Variants in DNAH3 observed in about 807,000 individuals in gnomAD.
DNAH3 encodes the protein dynein axonemal heavy chain 3.
Under a neutral mutation model 432.5 loss-of-function variants are expected in DNAH3, and 332 were observed. The ratio of observed to expected loss-of-function variants is 0.77; its 90% confidence interval spans 0.70 to 0.84. The LOEUF (loss-of-function observed/expected upper bound fraction) is 0.84. DNAH3 is among the 40% of genes least tolerant of loss of function. DNAH3 has a pLI of 0.00. For synonymous variants in DNAH3, 1,956 were observed against 1,900.2 expected (o/e 1.03, Z -0.76); for missense variants, 4,861 against 5,114.0 (o/e 0.95, Z 1.51).
At chr16:20,972,621 A>C (rs1431632330) in intron 51 of DNAH3, among the ~76,000 whole-genome samples, 1 of 151,832 alleles carries the variant, frequency 6.6e-6, no homozygotes, top group African/African-American at 2.4e-5. Context: ...CAGGGTATTC[A>C]TTATGTGACT....
Position 21,095,520 on chromosome 16 carries a change from A to G in DNAH3, c.2665+1835T>C, listed in dbSNP as rs369766268. 8.5e-5 allele frequency among the ~76,000 whole-genome samples: 13 copies of G among 152,322 alleles called. No individual in the cohort carries two copies. In the South Asian group the frequency reaches 2.7e-3, roughly 32 times the overall value. ...AACTATAGGAACAATGAAGAGATCAATAGTTGCCAGGGGTTACAACTGGGG... is the reference window on the plus strand; with the variant it reads ...AACTATAGGAACAATGAAGAGATCAGTAGTTGCCAGGGGTTACAACTGGGG... On this transcript the variant is annotated intron_variant, in intron 18 of 61. Transcript: ENST00000261383.
intron 59 of DNAH3, among the ~76,000 whole-genome samples, chr16:20,939,979 G>A (rs1320634853): frequency 6.6e-6 from 1 of 152,214 alleles, no homozygotes; most frequent in African/African-American, 2.4e-5. Context: ...AGTAACTGGA[G>A]AAGAGGACTA....
chr16:20,949,422 T>C (rs1005756679), intron 56 of DNAH3, among the ~76,000 whole-genome samples: 2 of 152,152 alleles, frequency 1.3e-5, no homozygotes, highest in Non-Finnish European at 2.9e-5. Context: ...ATAACTTTTA[T>C]TATAGCATAT....
chr16:21,066,783 A>C (rs1306035653), intron 24 of DNAH3, among the ~76,000 whole-genome samples: 1 of 152,162 alleles, frequency 6.6e-6, no homozygotes. Context: ...TTGATGGTAT[A>C]AAAAAATTGA....
At chr16:21,047,116 CTTCAT>C (rs2089736357) in intron 31 of DNAH3, among the ~76,000 whole-genome samples, 1 of 151,226 alleles carries the variant, frequency 6.6e-6, no homozygotes, top group South Asian at 2.1e-4. Context: ...ACATTTTTTC[CTTCAT>C]TTCAACTTTG....
At chr16:20,950,094 G>A (rs778820005) in intron 56 of DNAH3, among the ~76,000 whole-genome samples, 9 of 152,094 alleles carry the variant, frequency 5.9e-5, no homozygotes, top group South Asian at 2.1e-4. Context: ...GTAATCCTTC[G>A]GCATCAGCCT....
chr16:21,020,693 C>T (rs1041880844), intron 40 of DNAH3, among the ~76,000 whole-genome samples: 2 of 151,658 alleles, frequency 1.3e-5, no homozygotes, highest in Non-Finnish European at 2.9e-5. Context: ...CGTGAGAGAC[C>T]GCACCCGGCC....
chr16:21,097,617 T>C, intron 17 of DNAH3, 118 bp from the exon 18 acceptor site: 1 of 1,257,130 alleles, frequency 8.0e-7, no homozygotes, highest in Non-Finnish European at 1.1e-6. Flanking sequence ...CTTATTCATC[T>C]GGAGAGTAAG....
In DNAH3 at chr16:21,014,107, C is replaced by A. The variant is rs547305028; in HGVS notation, c.6022+5517G>T. ...CTATGAGGCCAGCATTACGCTAATA[C>A]CAAAGCCAGATAAAGACATTATAAG... On this transcript the variant is annotated intron_variant, in intron 41 of 61. Transcript: ENST00000261383. Among the ~76,000 whole-genome samples, 32 of 152,272 alleles carry A rather than the reference C, an allele frequency of 2.1e-4. No homozygotes were observed. In the South Asian group the frequency reaches 6.6e-3, roughly 32 times the overall value.
At chr16:21,035,718 CA>C (rs2089135256) in intron 35 of DNAH3, among the ~76,000 whole-genome samples, 1 of 152,076 alleles carries the variant, frequency 6.6e-6, no homozygotes. Flanking sequence ...GGTCCTTCTG[CA>C]AAATCTCAAT....
intron 8 of DNAH3, among the ~76,000 whole-genome samples, chr16:21,126,092 G>A (rs893400800): frequency 5.9e-5 from 9 of 152,210 alleles, no homozygotes; most frequent in African/African-American, 1.9e-4. Flanking sequence ...GAACCTGGGA[G>A]ATGGGAGGTT....
rs199502671 is a variant in DNAH3 at position 21,049,637 on chromosome 16, C to T, written c.4393G>A (p.Gly1465Arg). 315 of 1,614,162 alleles carry T rather than the reference C, an allele frequency of 2.0e-4. 2 individuals carry two copies. In the East Asian group the frequency reaches 6.9e-3, roughly 36 times the overall value. ...TGTGCCAGCCCCTTGAAGAACTTCC[C>T]CATAGCTTTGTAATCCAAACCATCG... is the stretch of plus-strand genomic sequence containing the variant. The change falls in exon 31 of 62, where the codon GGG (glycine) becomes AGG (arginine). Residue 1465 changes from glycine to arginine, a missense_variant. By Grantham distance (125) the Gly-to-Arg change is moderately radical. Coordinates refer to ENST00000261383, the Ensembl canonical transcript of DNAH3.
At chr16:21,061,162 A>G (rs1276830116) in intron 25 of DNAH3, among the ~76,000 whole-genome samples, 1 of 147,486 alleles carries the variant, frequency 6.8e-6, no homozygotes, top group Non-Finnish European at 1.5e-5. Context: ...ATATTCCAAT[A>G]TTCTTTATCT....
rs200727381 is a variant in DNAH3 at position 21,098,648 on chromosome 16, T to C, written c.2488A>G (p.Lys830Glu). 1.6e-4 allele frequency: 260 copies of C among 1,613,334 alleles called. No homozygotes were observed. The highest frequency in any genetic ancestry group is 2.5e-4 in the South Asian group (23 of 90,978). Residue 830 changes from lysine to glutamate, a missense_variant, in exon 17 of 62, where the codon AAG becomes GAG. Lys to Glu is a moderately conservative substitution (Grantham distance 56). Coordinates refer to ENST00000261383, the Ensembl canonical transcript of DNAH3. ...TCTGCAAACGCCCGATTTAGGTTCT[T>C]TGAAAGCTCATTAAGCTTTTCAACA...
At chr16:21,093,056 A>G (rs2091583969) in intron 18 of DNAH3, among the ~76,000 whole-genome samples, 1 of 152,162 alleles carries the variant, frequency 6.6e-6, no homozygotes, top group African/African-American at 2.4e-5. Flanking sequence ...TTTAAAAACA[A>G]TAACAACAAC....
chr16:21,135,597 G>A (rs2092631000), intron 6 of DNAH3, among the ~76,000 whole-genome samples: 1 of 152,186 alleles, frequency 6.6e-6, no homozygotes, highest in African/African-American at 2.4e-5. Flanking sequence ...GGAGGCTGAG[G>A]CAGGAGAATT....
At chr16:21,022,203 G>A (rs1310666802) in intron 39 of DNAH3, 103 bp from the exon 40 acceptor site, 4 of 1,253,702 alleles carry the variant, frequency 3.2e-6, no homozygotes, top group Non-Finnish European at 3.4e-6. Context: ...TGGTTAGACT[G>A]CTGATTTAAA....
At chr16:21,104,223 A>G (rs1723741707) in intron 16 of DNAH3, 1 of 376,122 alleles carries the variant, frequency 2.7e-6, no homozygotes. Flanking sequence ...TCTCTGCACC[A>G]CCAAATTCCA....
chr16:21,020,034 T>A (rs1042151631), intron 40 of DNAH3, among the ~76,000 whole-genome samples, 165 bp from the exon 41 acceptor site: 3 of 151,442 alleles, frequency 2.0e-5, no homozygotes, highest in Non-Finnish European at 2.9e-5. Context: ...TTTTTTTTTT[T>A]TTTTGAAACA....
Sources: gnomAD v4.1 joint callset for allele counts (sites outside exome capture counted in the v4.1 genomes callset) on GRCh38, gnomAD v4.1.1 for gene constraint, MANE v1.5 for transcripts, NCBI Gene and HGNC (gene_info 2026-07-23, HGNC 2026-07-21) for gene names.